Variants in ARSB observed in about 807,000 individuals in gnomAD.
The protein encoded by ARSB is N-acetylgalactosamine-4-sulfatase.
Under a neutral mutation model 50.9 loss-of-function variants are expected in ARSB, and 41 were observed. The ratio of observed to expected loss-of-function variants is 0.81; its 90% CI spans 0.63 to 1.04. The LOEUF is 1.04. ARSB is among the 50% of genes least tolerant of loss of function. The pLI, the probability that ARSB is intolerant of heterozygous loss-of-function variation, is 0.00. For synonymous variants in ARSB, 269 were observed against 284.8 expected (o/e 0.94, Z 0.56); for missense variants, 672 against 693.3 (o/e 0.97, Z 0.35).
chr5:78,920,353 G>A (rs1749747522), intron 4 of ARSB, among the ~76,000 whole-genome samples: 1 of 152,130 alleles, frequency 6.6e-6, no homozygotes, highest in African/African-American at 2.4e-5. Flanking sequence ...AGACCAGCCT[G>A]AGCAACATAG....
chr5:78,945,746 AC>A (rs561414387), intron 4 of ARSB, among the ~76,000 whole-genome samples: 64 of 151,462 alleles, frequency 4.2e-4, no homozygotes, highest in African/African-American at 1.5e-3. Context: ...AGCAATGCAG[AC>A]CCCCCTCCAG....
chr5:78,801,965 T>C (rs1743411185), intron 6 of ARSB, among the ~76,000 whole-genome samples: 1 of 152,088 alleles, frequency 6.6e-6, no homozygotes. Context: ...GCAGCCAGCG[T>C]TATCTTAACT....
intron 6 of ARSB, among the ~76,000 whole-genome samples, chr5:78,829,617 T>G (rs1214341756): frequency 6.6e-6 from 1 of 152,220 alleles, no homozygotes; most frequent in Non-Finnish European, 1.5e-5. Context: ...TATAAATGCC[T>G]GATTACTAAC....
At chr5:78,977,664 C>T (rs1362992387) in intron 1 of ARSB, among the ~76,000 whole-genome samples, 1 of 152,154 alleles carries the variant, frequency 6.6e-6, no homozygotes, top group Non-Finnish European at 1.5e-5. Flanking sequence ...CAAGTATGTC[C>T]ACTCATGCCA....
At chr5:78,831,504 G>A (rs947444919) in intron 6 of ARSB, among the ~76,000 whole-genome samples, 1 of 152,144 alleles carries the variant, frequency 6.6e-6, no homozygotes, top group African/African-American at 2.4e-5. Context: ...AATGAGTCAT[G>A]TCCCATCAAC....
chr5:78,781,950 G>A lies in ARSB; in HGVS notation c.1238C>T (p.Ala413Val). Reference sequence around the variant, plus strand: ...TTCTGGAAGAGAAGAGTCATCCTTTGCTGGAGCCATGCTGTTCCTGGGACC... The same window carrying A: ...TTCTGGAAGAGAAGAGTCATCCTTTACTGGAGCCATGCTGTTCCTGGGACC... Reference protein sequence around the residue: ...SPCPRNSMAPAKDDSSLPEYS... With the variant: ...SPCPRNSMAPVKDDSSLPEYS... The change falls in exon 7 of 8, where the codon GCA becomes GTA. Residue 413 changes from alanine (A) to valine (V), a missense_variant. Transcript: ENST00000264914. The A allele has an allele frequency of 6.2e-7, 1 of 1,614,130 alleles. No homozygotes were observed. Among genetic ancestry groups the A allele is most frequent in the South Asian group, 1.1e-5 (1 of 91,082 alleles).
intron 5 of ARSB, among the ~76,000 whole-genome samples, chr5:78,859,767 C>T (rs1746336462): frequency 6.6e-6 from 1 of 151,910 alleles, no homozygotes; most frequent in African/African-American, 2.4e-5. Flanking sequence ...AGAGAGGCAC[C>T]ATTGTGCCTC....
intron 6 of ARSB, among the ~76,000 whole-genome samples, chr5:78,817,850 G>A (rs1027267441): frequency 6.6e-6 from 1 of 151,486 alleles, no homozygotes; most frequent in African/African-American, 2.4e-5. Context: ...AAATGTCTCT[G>A]ATATACAACT....
intron 6 of ARSB, among the ~76,000 whole-genome samples, chr5:78,787,682 G>A (rs1390987126): frequency 1.3e-5 from 2 of 152,320 alleles, no homozygotes; most frequent in East Asian, 3.9e-4. Context: ...TTTGGTGATT[G>A]AGAGAATACT....
At chr5:78,960,392 T>C (rs1228824330) in intron 3 of ARSB, among the ~76,000 whole-genome samples, 1 of 152,150 alleles carries the variant, frequency 6.6e-6, no homozygotes, top group African/African-American at 2.4e-5. Context: ...ATATGATAGG[T>C]TTTGAAATTG....
At chr5:78,906,776 G>C (rs1749085862) in intron 4 of ARSB, among the ~76,000 whole-genome samples, 4 of 152,166 alleles carry the variant, frequency 2.6e-5, no homozygotes, top group Admixed American at 2.6e-4. Context: ...GATATTTGTT[G>C]ACTTCCTCCA....
chr5:78,984,905 G>GGGGCGGCGCGGGCGGCGGGGGCGGCGC, intron 1 of ARSB, 32 bp downstream of exon 1: 2 of 1,295,226 alleles, frequency 1.5e-6, no homozygotes, highest in Non-Finnish European at 2.0e-6. Flanking sequence ...AGGCGGGGCG[G>GGGGCGGCGCGGGCGGCGGGGGCGGCGC]GGGCGGCGCG....
At chr5:78,823,801 A>G (rs1744328226) in intron 6 of ARSB, among the ~76,000 whole-genome samples, 1 of 152,352 alleles carries the variant, frequency 6.6e-6, no homozygotes, top group Non-Finnish European at 1.5e-5. Flanking sequence ...GGATCAGAAA[A>G]CATTTTGGCA....
chr5:78,940,366 T>C (rs564954615), intron 4 of ARSB, among the ~76,000 whole-genome samples: 2 of 152,246 alleles, frequency 1.3e-5, no homozygotes, highest in Non-Finnish European at 2.9e-5. Flanking sequence ...CATGCCTATG[T>C]CCTGAATGGT....
At chr5:78,928,568 G>A (rs796293414) in intron 4 of ARSB, among the ~76,000 whole-genome samples, 80 of 152,018 alleles carry the variant, frequency 5.3e-4, no homozygotes, top group African/African-American at 1.8e-3. Context: ...CGCCCACCTC[G>A]GCCTCCCAAA....
rs577803935 is a variant in ARSB at position 78,823,063 on chromosome 5, TAAAGGA to T, written c.1213+16287_1213+16292del. On this transcript the variant is annotated intron_variant, in intron 6 of 7. Transcript: ENST00000264914. The stretch of plus-strand genomic sequence containing the variant: ...TTTTGTTTCTAATCTCAAAACACTT[TAAAGGA>T]AAACTGTAGGAACATTAATAAATTC... Among the ~76,000 whole-genome samples the T allele has an allele frequency of 4.3e-4, 65 of 152,394 alleles. No homozygotes were observed. The Middle Eastern group carries it at 0.01, about 24-fold the overall frequency.
rs567716182 is a variant in ARSB at position 78,871,335 on chromosome 5, C to G, written c.1142+14249G>C. Among the ~76,000 whole-genome samples, 8 of 152,110 alleles carry G rather than the reference C, an allele frequency of 5.3e-5. No individual in the cohort carries two copies. In the South Asian group the frequency reaches 1.7e-3, roughly 32 times the overall value. On this transcript the variant is annotated intron_variant, in intron 5 of 7. Transcript: ENST00000264914. ...AACTACTTTCAAGTTCATATGGAAC[C>G]AAAAAAGAGCCCTCATTGCCAAGTC...
At chr5:78,781,674 G>A (rs766323488) in intron 7 of ARSB, among the ~76,000 whole-genome samples, 178 bp downstream of exon 7, 4 of 152,186 alleles carry the variant, frequency 2.6e-5, no homozygotes, top group Non-Finnish European at 5.9e-5. Context: ...TTGAGGAGGA[G>A]CCACAGAGGA....
At chr5:78,833,823 C>A (rs77591593) in intron 6 of ARSB, among the ~76,000 whole-genome samples, 1 of 152,144 alleles carries the variant, frequency 6.6e-6, no homozygotes, top group Non-Finnish European at 1.5e-5. Flanking sequence ...CTTTTCTGGC[C>A]GATCTTTTCA....
Sources: allele counts gnomAD v4.1 joint callset (sites outside exome capture counted in the v4.1 genomes callset), GRCh38; gene constraint gnomAD v4.1.1; transcripts MANE v1.5; gene names NCBI Gene and HGNC (gene_info 2026-07-23, HGNC 2026-07-21).